RPS20: variants seen among roughly 807,000 people sequenced by gnomAD.
RPS20 encodes small ribosomal subunit protein uS10.
In RPS20, 3 loss-of-function variants were observed where a neutral mutation model predicts 15.3. The ratio of observed to expected loss-of-function variants is 0.20; its 90% CI spans 0.09 to 0.51. The LOEUF (loss-of-function observed/expected upper bound fraction) is 0.51, where lower values mean the gene tolerates loss of function less well. RPS20 is among the 20% of genes least tolerant of loss of function. The pLI, the probability that RPS20 is intolerant of heterozygous loss-of-function variation, is 0.96. For synonymous variants in RPS20, 62 were observed against 47.8 expected (o/e 1.30, Z -1.23); for missense variants, 67 against 145.9 (o/e 0.46, Z 2.79).
At position 56,073,069 on chromosome 8, in the gene RPS20, C is replaced by T. The variant is rs762255340; in HGVS notation, c.*21G>A. The T allele has an allele frequency of 7.8e-5, 121 of 1,548,148 alleles. No homozygotes were observed. Among genetic ancestry groups the T allele is most frequent in the Non-Finnish European group, 1.0e-4 (118 of 1,140,732 alleles). On this transcript the variant is annotated 3_prime_UTR_variant, in exon 4 of 4. Coordinates refer to ENST00000009589, the MANE Select transcript of RPS20 (RefSeq NM_001023.4). ...CCAACAGAAGTTAACAACTGGTCATCAATTTATTAAAATAGTTGACTTAAG... is the reference window on the plus strand; with the variant it reads ...CCAACAGAAGTTAACAACTGGTCATTAATTTATTAAAATAGTTGACTTAAG...
downstream of RPS20, chr8:56,072,940 A>G (rs965052096): frequency 2.1e-6 from 3 of 1,396,882 alleles, no homozygotes; most frequent in South Asian, 5.1e-5. Flanking sequence ...CGACAACGAA[A>G]ACAGGATAGA....
downstream of RPS20, among the ~76,000 whole-genome samples, chr8:56,069,426 G>A (rs965873710): frequency 6.6e-6 from 1 of 152,046 alleles, no homozygotes; most frequent in African/African-American, 2.4e-5. Context: ...AGCATCCCAA[G>A]TAGCTGGGAT....
chr8:56,073,951 AACTTGTC>A (rs776488477), intron 2 of RPS20, 102 bp downstream of exon 2: 19 of 1,151,206 alleles, frequency 1.7e-5, no homozygotes, highest in Middle Eastern at 3.8e-4. Context: ...TTTTTTAAGT[AACTTGTC>A]ACTTTAGTTC....
chr8:56,072,347 T>C (rs898405059), downstream of RPS20, among the ~76,000 whole-genome samples: 5 of 151,756 alleles, frequency 3.3e-5, no homozygotes, highest in African/African-American at 9.7e-5. Flanking sequence ...AGGTCAGGAG[T>C]TTGAGACCAG....
At chr8:56,074,356 C>T in intron 1 of RPS20, 25 bp downstream of exon 1, 3 of 1,550,434 alleles carry the variant, frequency 1.9e-6, no homozygotes, top group Non-Finnish European at 2.6e-6. Flanking sequence ...TGCGTTGCGC[C>T]GCCCGCCGCC....
chr8:56,072,562 A>C (rs1427202676), downstream of RPS20, among the ~76,000 whole-genome samples: 1 of 151,200 alleles, frequency 6.6e-6, no homozygotes, highest in Admixed American at 6.6e-5. Context: ...CCCCCCCAAA[A>C]AAAAAAAGTG....
downstream of RPS20, among the ~76,000 whole-genome samples, chr8:56,072,547 GTC>G (rs1491216917): frequency 1.4e-3 from 185 of 135,276 alleles, 1 homozygote; most frequent in African/African-American, 5.3e-3. Context: ...GCAAAACGCC[GTC>G]CCCCCCCCCA....
rs1221217471 is a variant in RPS20 at position 56,073,211 on chromosome 8, A to T, written c.239T>A (p.Phe80Tyr). ...CGEGSKTWDR[F>Y]QMRIHKRLID... The stretch of plus-strand genomic sequence containing the variant: ...GAGTCGCTTGTGAATTCTCATCTGG[A>T]AACGATCCCACGTCTTAGAACCTTC... Residue 80 changes from phenylalanine (F) to tyrosine (Y), a missense_variant, in exon 4 of 4, where the codon TTC (phenylalanine) becomes TAC (tyrosine). Physicochemically the swap from Phe to Tyr is conservative, Grantham distance 22. Transcript: ENST00000009589. 6.2e-7 allele frequency: 1 copy of T among 1,604,398 alleles called. No homozygotes were observed. Among genetic ancestry groups the T allele is most frequent in the Non-Finnish European group, 8.5e-7 (1 of 1,179,916 alleles).
downstream of RPS20, among the ~76,000 whole-genome samples, chr8:56,069,047 T>A (rs906328634): frequency 3.6e-5 from 5 of 139,168 alleles, no homozygotes; most frequent in African/African-American, 1.7e-4. Flanking sequence ...ATCCATGGGG[T>A]GAGTTCTTTT....
downstream of RPS20, chr8:56,068,669 G>C (rs1033962892): frequency 1.3e-5 from 2 of 151,678 alleles, no homozygotes; most frequent in Admixed American, 6.6e-5. Flanking sequence ...AAAATAATGA[G>C]CGATTTTTTT....
chr8:56,073,616 A>C, intron 3 of RPS20, 79 bp downstream of exon 3: 1 of 1,209,896 alleles, frequency 8.3e-7, no homozygotes, highest in Non-Finnish European at 1.2e-6. Context: ...CAATTTTGGC[A>C]GCCGAACTCC....
chr8:56,072,556 C>A (rs1299608764), downstream of RPS20, among the ~76,000 whole-genome samples: 8 of 143,180 alleles, frequency 5.6e-5, no homozygotes, highest in South Asian at 2.2e-4. Flanking sequence ...CGTCCCCCCC[C>A]CCAAAAAAAA....
chr8:56,071,337 A>G (rs1283611482), downstream of RPS20, among the ~76,000 whole-genome samples: 3 of 152,202 alleles, frequency 2.0e-5, no homozygotes, highest in Non-Finnish European at 4.4e-5. Context: ...GTTCATAGGT[A>G]TTTGTCTGGG....
In RPS20 at chr8:56,073,682, C is replaced by A; in HGVS notation, c.177+13G>T. 2 of 1,610,062 alleles carry A rather than the reference C, an allele frequency of 1.2e-6. No homozygotes were observed. Among genetic ancestry groups the A allele is most frequent in the Non-Finnish European group, 1.7e-6 (2 of 1,176,858 alleles). ...AAGCAACTCCTACTTCCTGCCCCTC[C>A]GATTTACTTTACCTTGGTAGGCATT... On this transcript the variant is annotated intron_variant, in intron 3 of 3. Transcript: ENST00000009589.
chr8:56,073,661 A>T, intron 3 of RPS20, 34 bp downstream of exon 3: 3 of 1,570,460 alleles, frequency 1.9e-6, no homozygotes, highest in Non-Finnish European at 2.6e-6. Flanking sequence ...ATCCGGAAGC[A>T]ACTCCTACTT....
intron 2 of RPS20, 121 bp from the exon 3 acceptor site, chr8:56,073,889 C>T (rs772953550): frequency 9.2e-7 from 1 of 1,091,062 alleles, no homozygotes; most frequent in Non-Finnish European, 1.4e-6. Context: ...CAATAGGTAC[C>T]TCCTCATCGC....
At chr8:56,068,925 A>G (rs910487420), downstream of RPS20, among the ~76,000 whole-genome samples, 1 of 135,476 alleles carries the variant, frequency 7.4e-6, no homozygotes, top group Non-Finnish European at 1.5e-5. Flanking sequence ...CAGCCTCCCA[A>G]GTGGCTGGGA....
chr8:56,069,999 A>C (rs1280281250), downstream of RPS20, among the ~76,000 whole-genome samples: 1 of 152,252 alleles, frequency 6.6e-6, no homozygotes, highest in Non-Finnish European at 1.5e-5. Context: ...AGGATGCCAT[A>C]GATTATATGC....
downstream of RPS20, chr8:56,068,286 T>A (rs1222502417): frequency 6.6e-6 from 1 of 152,126 alleles, no homozygotes; most frequent in East Asian, 1.9e-4. Flanking sequence ...ACAGAATGTA[T>A]AATTTAAAAG....
Sources: gnomAD v4.1 joint callset for allele counts (sites outside exome capture counted in the v4.1 genomes callset) on GRCh38, gnomAD v4.1.1 for gene constraint, MANE v1.5 for transcripts, NCBI Gene and HGNC (gene_info 2026-07-23, HGNC 2026-07-21) for gene names.